The following OTX1 variants were observed in gnomAD, a reference collection of about 807,000 sequenced individuals.
OTX1 encodes the protein homeobox protein OTX1.
In OTX1, 7 loss-of-function variants were observed where a neutral mutation model predicts 26.7. The ratio of observed to expected loss-of-function variants is 0.26; its 90% confidence interval spans 0.15 to 0.49. The LOEUF (loss-of-function observed/expected upper bound fraction) is 0.49, where lower values mean the gene tolerates loss of function less well. Among genes scored for constraint, OTX1 ranks in the 20% least tolerant of loss-of-function variants. OTX1 has a pLI of 0.98. For synonymous variants in OTX1, 216 were observed against 212.8 expected (o/e 1.01, Z -0.13); for missense variants, 414 against 483.8 (o/e 0.86, Z 1.35).
chr2:63,052,864 T>A lies in OTX1; in HGVS notation c.-111-16T>A. 1.6e-6 allele frequency: 1 copy of A among 629,374 alleles called. No homozygotes were observed. Among genetic ancestry groups the A allele is most frequent in the Non-Finnish European group, 2.8e-6 (1 of 361,168 alleles). The allele number at this position is 629,374 out of a possible 1,614,324, so 39.0% of individuals were successfully genotyped here. A position where few individuals can be genotyped will look rare whatever the true frequency, so the allele number is the denominator to read the frequency against. On this transcript the variant is annotated splice_polypyrimidine_tract_variant and intron_variant, in intron 2 of 4. Transcript: ENST00000282549. ...GGCTCCGATTGACGGTTTCCGTGTG[T>A]CTCGTGTCTTCATAGGCCAGGCCCC...
At chr2:63,053,673 C>T in intron 3 of OTX1, 1 of 207,736 alleles carries the variant, frequency 4.8e-6, no homozygotes, top group East Asian at 1.2e-4. Context: ...CGTGTTTCTG[C>T]CTACCTCTTC....
In OTX1 at chr2:63,055,434, G is replaced by C. The variant is rs566976462; in HGVS notation, c.250-67G>C. On this transcript the variant is annotated intron_variant, in intron 4 of 4. Transcript: ENST00000282549. The surrounding 1 kb of genome is among the most constrained non-coding windows in gnomAD (Gnocchi z 5.2). ...ATTCTGGACCGGGAGTTGGGTCCGC[G>C]GGGCGGTGGAGCAACAAGCTCCCCT... The C allele has an allele frequency of 3.3e-5, 49 of 1,500,728 alleles. No homozygotes were observed. The highest frequency in any genetic ancestry group is 4.2e-5 in the Non-Finnish European group (47 of 1,106,152). 93.0% of individuals were successfully genotyped at this position (1,500,728 alleles called of 1,614,324 possible).
intron 4 of OTX1, among the ~76,000 whole-genome samples, chr2:63,054,599 G>T (rs539714571): frequency 2.7e-4 from 41 of 152,334 alleles, no homozygotes; most frequent in African/African-American, 9.4e-4. Context: ...TTCCACCCCG[G>T]GAATCCTAGA....
intron 3 of OTX1, chr2:63,053,841 G>A: frequency 1.7e-6 from 1 of 589,786 alleles, no homozygotes; most frequent in South Asian, 2.2e-5. Flanking sequence ...CTCGAATCTT[G>A]GAGACACTGG....
chr2:63,052,684 C>T (rs1353927057), intron 2 of OTX1, among the ~76,000 whole-genome samples, 196 bp from the exon 3 acceptor site: 1 of 152,208 alleles, frequency 6.6e-6, no homozygotes, highest in Non-Finnish European at 1.5e-5. Context: ...GTCTTTGGCT[C>T]ATTCCAACCC....
intron 3 of OTX1, 75 bp from the exon 4 acceptor site, chr2:63,053,961 TGGGCCTGCCAG>T (rs1022942315): frequency 7.5e-6 from 11 of 1,467,958 alleles, no homozygotes; most frequent in African/African-American, 7.2e-5. Context: ...GGCCGAGATC[TGGGCCTGCCAG>T]GGGCCTGCCC....
Position 63,055,785 on chromosome 2 carries a change from C to T in OTX1, c.534C>T (p.Ser178=). 4 of 1,612,264 alleles carry T rather than the reference C, an allele frequency of 2.5e-6. No homozygotes were observed. The highest frequency in any genetic ancestry group is 3.4e-6 in the Non-Finnish European group (4 of 1,179,638). Residue 178 remains serine (S), a synonymous_variant, in exon 5 of 5, where the codon AGC becomes AGT. Coordinates refer to ENST00000282549, the MANE Select transcript of OTX1 (RefSeq NM_014562.4). This position sits in a 1 kb window ranked among gnomAD's most constrained non-coding sequence, Gnocchi z 5.2. ...CACCAGCTGCCTCATCTATCTGGAG[C>T]CCGGCCTCCATCTCGCCAGGCTCAG... ...LSTPAASSIW[S]PASISPGSAP...
intron 1 of OTX1, 68 bp downstream of exon 1, chr2:63,050,965 C>T (rs2062020899): frequency 6.6e-6 from 1 of 152,286 alleles, no homozygotes; most frequent in African/African-American, 2.4e-5. Context: ...ACTGCCTCCA[C>T]GTTGCACCGG....
At chr2:63,052,837 G>A in intron 2 of OTX1, 43 bp from the exon 3 acceptor site, 1 of 574,888 alleles carries the variant, frequency 1.7e-6, no homozygotes, top group Non-Finnish European at 3.0e-6. Context: ...TGGCAGCCAA[G>A]TGGCTCCGAT....
Position 63,056,466 on chromosome 2 carries a change from G to T in OTX1, c.*150G>T. On this transcript the variant is annotated 3_prime_UTR_variant, in exon 5 of 5. Transcript: ENST00000282549. Reference sequence around the variant, plus strand: ...AAAGATGTCCATTGCCTGCACTGCCGCCCCCATTTTTGTGCCACTTGCTTG... The same window carrying T: ...AAAGATGTCCATTGCCTGCACTGCCTCCCCCATTTTTGTGCCACTTGCTTG... 1.4e-6 allele frequency: 1 copy of T among 731,986 alleles called. No homozygotes were observed. 45.3% of individuals were successfully genotyped at this position (731,986 alleles called of 1,614,324 possible). A position where few individuals can be genotyped will look rare whatever the true frequency, so the allele number is the denominator to read the frequency against.
At position 63,056,435 on chromosome 2, in the gene OTX1, C is replaced by A; in HGVS notation, c.*119C>A. 2.1e-6 allele frequency: 2 copies of A among 944,278 alleles called. No homozygotes were observed. The highest frequency in any genetic ancestry group is 3.1e-6 in the Non-Finnish European group (2 of 639,050). 58.5% of individuals were successfully genotyped at this position (944,278 alleles called of 1,614,324 possible). ...TCTTCTCCAAAACTGAATTTTCACC[C>A]CCCAAAAAGATGTCCATTGCCTGCA... On this transcript the variant is annotated 3_prime_UTR_variant, in exon 5 of 5. Coordinates refer to ENST00000282549, the MANE Select transcript of OTX1 (RefSeq NM_014562.4).
rs1199052516 is a variant in OTX1, at chr2:63,055,962, G to A, written c.711G>A (p.Thr237=). 2 of 1,613,340 alleles carry A rather than the reference G, an allele frequency of 1.2e-6. No individual in the cohort carries two copies. The highest frequency in any genetic ancestry group is 2.2e-5 in the East Asian group (1 of 44,888). ...GCAGCTACGGCCAAGGCTACCCTAC[G>A]CCCTCCTCTTCCTACTTTGGCGGCG... is the stretch of plus-strand genomic sequence containing the variant. ...QGGSYGQGYP[T]PSSSYFGGVD... Residue 237 remains threonine (T), a synonymous_variant, in exon 5 of 5, where the codon ACG becomes ACA. Transcript: ENST00000282549. This position sits in a 1 kb window ranked among gnomAD's most constrained non-coding sequence, Gnocchi z 5.2.
intron 4 of OTX1, 27 bp downstream of exon 4, chr2:63,054,225 T>A: frequency 6.5e-7 from 1 of 1,550,066 alleles, no homozygotes; most frequent in Non-Finnish European, 8.7e-7. Context: ...CTCCAGGGTC[T>A]GGGTAGGGGA....
chr2:63,055,770 C>T lies in OTX1; in HGVS notation c.519C>T (p.Ala173=), dbSNP rs1230567796. The T allele has an allele frequency of 2.5e-6, 4 of 1,612,592 alleles. No homozygotes were observed. The highest frequency in any genetic ancestry group is 3.4e-6 in the Non-Finnish European group (4 of 1,179,714). The change falls in exon 5 of 5, where the codon GCC becomes GCT. Residue 173 remains alanine, a synonymous_variant. Transcript: ENST00000282549. This position sits in a 1 kb window ranked among gnomAD's most constrained non-coding sequence, Gnocchi z 5.2. ...AAASSLSTPA[A]SSIWSPASIS... is the part of the protein sequence containing the mutation. The stretch of plus-strand genomic sequence containing the variant: ...CGTCGTCGCTGAGTACACCAGCTGC[C>T]TCATCTATCTGGAGCCCGGCCTCCA...
rs755773986 is a variant in OTX1, at chr2:63,055,481, C to A, written c.250-20C>A. 2 of 1,604,002 alleles carry A rather than the reference C, an allele frequency of 1.2e-6. No individual in the cohort carries two copies. Among genetic ancestry groups the A allele is most frequent in the African/African-American group, 2.7e-5 (2 of 74,760 alleles). ...CCCTAGCTCCCTTTGACCCACTCTC[C>A]CCCATCCGGCCCACTGCAGGTCTGG... On this transcript the variant is annotated intron_variant, in intron 4 of 4. Coordinates refer to ENST00000282549, the MANE Select transcript of OTX1 (RefSeq NM_014562.4). The surrounding 1 kb of genome is among the most constrained non-coding windows in gnomAD (Gnocchi z 5.2).
Position 63,056,525 on chromosome 2 carries a change from G to C in OTX1, c.*209G>C. The C allele has an allele frequency of 1.7e-6, 1 of 601,930 alleles. No homozygotes were observed. The highest frequency in any genetic ancestry group is 2.9e-6 in the Non-Finnish European group (1 of 339,782). 37.3% of individuals were successfully genotyped at this position (601,930 alleles called of 1,614,324 possible). A position where few individuals can be genotyped will look rare whatever the true frequency, so the allele number is the denominator to read the frequency against. On this transcript the variant is annotated 3_prime_UTR_variant, in exon 5 of 5. Transcript: ENST00000282549. ...TGCAAACCCACCCTGCCCCTTGGATGGGGGGACCGGTGCTTCGGCTTGGCC... is the reference window on the plus strand; with the variant it reads ...TGCAAACCCACCCTGCCCCTTGGATCGGGGGACCGGTGCTTCGGCTTGGCC...
chr2:63,053,907 C>A (rs572561087), intron 3 of OTX1, 140 bp from the exon 4 acceptor site: 1 of 994,678 alleles, frequency 1.0e-6, no homozygotes, highest in South Asian at 1.8e-5. Context: ...GCTCGGCCGC[C>A]CGAGGGAGTT....
Position 63,055,695 on chromosome 2 carries a change from C to T in OTX1, c.444C>T (p.Asn148=). 6.2e-7 allele frequency: 1 copy of T among 1,613,716 alleles called. No individual in the cohort carries two copies. The highest frequency in any genetic ancestry group is 8.5e-7 in the Non-Finnish European group (1 of 1,179,954). The change falls in exon 5 of 5, where the codon AAC becomes AAT. Residue 148 remains asparagine (N), a synonymous_variant. Transcript: ENST00000282549. The surrounding 1 kb of genome is among the most constrained non-coding windows in gnomAD (Gnocchi z 5.2). ...GCTCGGCGTCCAGCTCTTCCGCCAACCCAGCGGCTGCAGCGGCTGCGGGAC... is the reference window on the plus strand; with the variant it reads ...GCTCGGCGTCCAGCTCTTCCGCCAATCCAGCGGCTGCAGCGGCTGCGGGAC... The part of the protein sequence containing the change: ...SSSSASSSSA[N]PAAAAAAGLG...
Position 63,056,534 on chromosome 2 carries a change from G to C in OTX1, c.*218G>C. On this transcript the variant is annotated 3_prime_UTR_variant, in exon 5 of 5. Transcript: ENST00000282549. ...ACCCTGCCCCTTGGATGGGGGGACC[G>C]GTGCTTCGGCTTGGCCTACACATTC... 1 of 599,286 alleles carries C rather than the reference G, an allele frequency of 1.7e-6. No individual in the cohort carries two copies. Among genetic ancestry groups the C allele is most frequent in the Admixed American group, 3.0e-5 (1 of 33,816 alleles). 37.1% of individuals were successfully genotyped at this position (599,286 alleles called of 1,614,324 possible). A position where few individuals can be genotyped will look rare whatever the true frequency, so the allele number is the denominator to read the frequency against.
Sources: allele counts gnomAD v4.1 joint callset (sites outside exome capture counted in the v4.1 genomes callset), GRCh38; gene constraint gnomAD v4.1.1; non-coding constraint Gnocchi (gnomAD v3.1); transcripts MANE v1.5; gene names NCBI Gene and HGNC (gene_info 2026-07-23, HGNC 2026-07-21).